The following TSEN2 variants were observed in gnomAD, a reference collection of about 807,000 sequenced individuals.
The protein encoded by TSEN2 is tRNA-splicing endonuclease subunit Sen2.
TSEN2 carries 54 observed loss-of-function variants against 59.2 expected under a neutral mutation model. The observed-to-expected ratio is 0.91, with a 90% CI of 0.73 to 1.14. The LOEUF (loss-of-function observed/expected upper bound fraction) is 1.14, where lower values mean the gene tolerates loss of function less well. Ranked by LOEUF, TSEN2 falls within the 50% of genes most tolerant of loss-of-function variation. TSEN2 has a pLI of 0.00. For synonymous variants in TSEN2, 195 were observed against 198.2 expected (o/e 0.98, Z 0.14); for missense variants, 636 against 576.2 (o/e 1.10, Z -1.06).
At chr3:12,536,863 C>T (rs1228033160), downstream of TSEN2, among the ~76,000 whole-genome samples, 1 of 151,982 alleles carries the variant, frequency 6.6e-6, no homozygotes, top group Admixed American at 6.6e-5. Context: ...ATTAGCCGGA[C>T]GTGGTGGCAG....
chr3:12,486,215 CTCT>C (rs1305183731), intron 1 of TSEN2, among the ~76,000 whole-genome samples: 5 of 152,142 alleles, frequency 3.3e-5, no homozygotes, highest in Non-Finnish European at 7.4e-5. Flanking sequence ...TGACAGTTTC[CTCT>C]TCTTATTTTA....
At chr3:12,535,552 A>T (rs2057655759), downstream of TSEN2, among the ~76,000 whole-genome samples, 1 of 152,058 alleles carries the variant, frequency 6.6e-6, no homozygotes, top group South Asian at 2.1e-4. Flanking sequence ...TGTGTGTGAG[A>T]TGGAGTTTTG....
intron 8 of TSEN2, among the ~76,000 whole-genome samples, chr3:12,525,641 C>T (rs187893284): frequency 1.1e-3 from 162 of 152,320 alleles, no homozygotes; most frequent in African/African-American, 3.5e-3. Context: ...ACTGCATCCT[C>T]AACCTCCTAG....
chr3:12,506,711 A>G, intron 6 of TSEN2: 1 of 985,256 alleles, frequency 1.0e-6, no homozygotes, highest in Non-Finnish European at 1.2e-6. Context: ...TTGATAGTGC[A>G]CACAGAAATG....
At chr3:12,522,258 G>C (rs1244368295) in intron 8 of TSEN2, among the ~76,000 whole-genome samples, 1 of 152,112 alleles carries the variant, frequency 6.6e-6, no homozygotes, top group South Asian at 2.1e-4. Context: ...ATGGATAGAT[G>C]GATGGACAGA....
intron 1 of TSEN2, among the ~76,000 whole-genome samples, chr3:12,486,864 G>A (rs2052670243): frequency 1.3e-5 from 2 of 152,104 alleles, no homozygotes; most frequent in African/African-American, 2.4e-5. Flanking sequence ...GAATGTATCC[G>A]AACTTCATTC....
intron 8 of TSEN2, among the ~76,000 whole-genome samples, chr3:12,523,474 T>C (rs796840782): frequency 7.4e-5 from 11 of 149,214 alleles, no homozygotes; most frequent in African/African-American, 2.7e-4. Context: ...AGCAGCTCTC[T>C]GTTTGTCACA....
At chr3:12,508,505 A>C (rs1305142427) in intron 6 of TSEN2, among the ~76,000 whole-genome samples, 1 of 152,232 alleles carries the variant, frequency 6.6e-6, no homozygotes, top group Admixed American at 6.5e-5. Context: ...GAACACAGGC[A>C]GAATGGGGTC....
At chr3:12,530,216 A>G in intron 10 of TSEN2, 1 of 1,078,154 alleles carries the variant, frequency 9.3e-7, no homozygotes, top group Non-Finnish European at 1.1e-6. Flanking sequence ...TTTAACATTC[A>G]CTCATACACA....
intron 1 of TSEN2, among the ~76,000 whole-genome samples, chr3:12,488,736 C>T (rs777048173): frequency 2.6e-5 from 4 of 152,162 alleles, no homozygotes; most frequent in Non-Finnish European, 5.9e-5. Context: ...TGGGTAATTC[C>T]GTTACTGCTC....
At chr3:12,536,777 G>C (rs191405406), downstream of TSEN2, among the ~76,000 whole-genome samples, 5 of 152,192 alleles carry the variant, frequency 3.3e-5, no homozygotes, top group East Asian at 9.7e-4. Context: ...GAGACGGGTG[G>C]ATTGCTTGAG....
intron 10 of TSEN2, chr3:12,531,164 C>T (rs968658560): frequency 5.0e-6 from 1 of 200,156 alleles, no homozygotes; most frequent in Non-Finnish European, 1.0e-5. Flanking sequence ...CTAATCACCT[C>T]CCACGAGGTC....
At chr3:12,495,590 T>C (rs1208575349) in intron 3 of TSEN2, among the ~76,000 whole-genome samples, 2 of 152,206 alleles carry the variant, frequency 1.3e-5, no homozygotes, top group African/African-American at 4.8e-5. Flanking sequence ...TTTGCATCAG[T>C]TACTTCTTGT....
chr3:12,489,756 C>T, intron 1 of TSEN2, 28 bp from the exon 2 acceptor site: 1 of 1,592,744 alleles, frequency 6.3e-7, no homozygotes, highest in Non-Finnish European at 8.6e-7. Context: ...TTGTCTGTTT[C>T]TTTCTGTTTG....
In TSEN2 at chr3:12,519,063, C is replaced by T; in HGVS notation, c.965C>T (p.Pro322Leu). The T allele has an allele frequency of 2.5e-6, 4 of 1,614,164 alleles. No individual in the cohort carries two copies. Among genetic ancestry groups the T allele is most frequent in the Non-Finnish European group, 2.5e-6 (3 of 1,180,032 alleles). The part of the protein sequence containing the change: ...GCLSIYYEKE[P>L]LTIVKLWKAF... ...TTTTTTTGTAAATAACTTTAGGAGCCTTTAACGATAGTGAAGCTCTGGAAA... is the reference window on the plus strand; with the variant it reads ...TTTTTTTGTAAATAACTTTAGGAGCTTTTAACGATAGTGAAGCTCTGGAAA... Residue 322 changes from proline (P) to leucine (L), a missense_variant, in exon 8 of 12, where the codon CCT becomes CTT. By Grantham distance (98) the Pro-to-Leu change is moderately conservative. Transcript: ENST00000284995.
intron 11 of TSEN2, 61 bp from the exon 12 acceptor site, chr3:12,532,601 G>C (rs1672901718): frequency 1.3e-6 from 2 of 1,525,620 alleles, no homozygotes; most frequent in Non-Finnish European, 1.8e-6. Context: ...TGTCAGCTGT[G>C]GTGTCAGAAT....
chr3:12,532,031 C>T (rs1393548084), intron 11 of TSEN2, among the ~76,000 whole-genome samples: 5 of 152,104 alleles, frequency 3.3e-5, no homozygotes, highest in South Asian at 2.1e-4. Context: ...TGAACCAAGG[C>T]GCCTCCTGTC....
upstream of TSEN2, among the ~76,000 whole-genome samples, chr3:12,482,713 C>G (rs963001749): frequency 6.6e-6 from 1 of 152,158 alleles, no homozygotes; most frequent in Non-Finnish European, 1.5e-5. Flanking sequence ...TCTGACAACT[C>G]ACAGTGCCAC....
chr3:12,496,425 T>G (rs17036841), intron 3 of TSEN2, 93 bp from the exon 4 acceptor site: 72 of 1,367,184 alleles, frequency 5.3e-5, no homozygotes, highest in Non-Finnish European at 7.4e-5. Flanking sequence ...TGTGATTTTG[T>G]GAATCTTAAA....
Sources: gnomAD v4.1 joint callset for allele counts (sites outside exome capture counted in the v4.1 genomes callset) on GRCh38, gnomAD v4.1.1 for gene constraint, MANE v1.5 for transcripts, NCBI Gene and HGNC (gene_info 2026-07-23, HGNC 2026-07-21) for gene names.